Variants in ACP7 observed in about 807,000 individuals in gnomAD.
ACP7 encodes the protein acid phosphatase 7, tartrate resistant (putative).
In ACP7, 58 loss-of-function variants were observed where a neutral mutation model predicts 60.6. The observed-to-expected ratio is 0.96, with a 90% CI of 0.77 to 1.19. The LOEUF is 1.19. Ranked by LOEUF, ACP7 falls within the 50% of genes most tolerant of loss-of-function variation. The pLI, the probability that ACP7 is intolerant of heterozygous loss-of-function variation, is 0.00. For missense variants in ACP7, 574 were observed against 596.2 expected (o/e 0.96, Z 0.39); for synonymous variants, 237 against 232.6 (o/e 1.02, Z -0.17).
At chr19:39,093,143 C>CCCTCTCTCTTTCTCTCTCT (rs2073224722) in intron 2 of ACP7, among the ~76,000 whole-genome samples, 4 of 104,652 alleles carry the variant, frequency 3.8e-5, no homozygotes, top group African/African-American at 1.5e-4. Context: ...TTCCCTCACT[C>CCCTCTCTCTTTCTCTCTCT]CTTTCTTTCT....
chr19:39,109,622 T>A (rs2073447243), intron 12 of ACP7, among the ~76,000 whole-genome samples: 1 of 146,610 alleles, frequency 6.8e-6, no homozygotes, highest in Non-Finnish European at 1.5e-5. Context: ...GGAGAATGGC[T>A]TGAACCTGGG....
intron 3 of ACP7, 88 bp from the exon 4 acceptor site, chr19:39,098,872 C>T: frequency 1.4e-6 from 2 of 1,426,002 alleles, no homozygotes; most frequent in East Asian, 4.7e-5. Context: ...CCCCCATCTC[C>T]TCCCCTCCAC....
rs746410134 is a variant in ACP7 at position 39,100,991 on chromosome 19, A to G, written c.850A>G (p.Met284Val). 10 of 1,613,394 alleles carry G rather than the reference A, an allele frequency of 6.2e-6. No individual in the cohort carries two copies. In the East Asian group the frequency reaches 1.6e-4, roughly 25 times the overall value. Residue 284 changes from methionine to valine, a missense_variant, in exon 8 of 13, where the codon ATG becomes GTG. By Grantham distance (21) the Met-to-Val change is conservative. Coordinates refer to ENST00000331256, the MANE Select transcript of ACP7 (RefSeq NM_001004318.3). ...GGCAGCCCGGCCGTGGATCATCACT[A>G]TGGGGCACCGGCCCATGTACTGCTC... ...NRAARPWIIT[M>V]GHRPMYCSNA...
chr19:39,098,792 G>A (rs1295851822), intron 3 of ACP7, 134 bp downstream of exon 3: 1 of 1,351,398 alleles, frequency 7.4e-7, no homozygotes, highest in Non-Finnish European at 9.9e-7. Flanking sequence ...TGTTGTATGA[G>A]ACCCCAGGAT....
chr19:39,105,902 A>G (rs1372124060), intron 11 of ACP7, among the ~76,000 whole-genome samples: 1 of 152,028 alleles, frequency 6.6e-6, no homozygotes, highest in Non-Finnish European at 1.5e-5. Context: ...GCTTACTTTG[A>G]TCACTTGGTT....
In ACP7 at chr19:39,100,297, C is replaced by T. The variant is rs775669799; in HGVS notation, c.576C>T (p.Pro192=). ...ATAGGTTCATGCGGCTCATTGAACCCGTGGCTGCCAGCCTGCCGTACATGA... is the reference window on the plus strand; with the variant it reads ...ATAGGTTCATGCGGCTCATTGAACCTGTGGCTGCCAGCCTGCCGTACATGA... ...VGDRFMRLIE[P]VAASLPYMTC... Residue 192 remains proline (P), a synonymous_variant, in exon 5 of 13, where the codon CCC becomes CCT. Coordinates refer to ENST00000331256, the MANE Select transcript of ACP7 (RefSeq NM_001004318.3). 1.4e-5 allele frequency: 23 copies of T among 1,613,934 alleles called. No individual in the cohort carries two copies. Among genetic ancestry groups the T allele is most frequent in the Non-Finnish European group, 1.7e-5 (20 of 1,180,006 alleles).
intron 2 of ACP7, among the ~76,000 whole-genome samples, chr19:39,092,206 C>T (rs1163697124): frequency 1.3e-5 from 2 of 152,116 alleles, no homozygotes; most frequent in Non-Finnish European, 2.9e-5. Flanking sequence ...AACCCGGTCT[C>T]TACTAAAAAT....
At chr19:39,109,907 G>A (rs2145050719) in intron 12 of ACP7, 146 bp from the exon 13 acceptor site, 2 of 725,032 alleles carry the variant, frequency 2.8e-6, no homozygotes, top group East Asian at 2.5e-5. Context: ...TTCAGATGAG[G>A]AAAACTGAGG....
chr19:39,106,943 C>T lies in ACP7; in HGVS notation c.1114-4C>T. ...CTGGGTCTGATCAGTTCTCCCCGCC[C>T]CAGGGCTGTGAGGAGCGGCTGACGC... On this transcript the variant is annotated splice_region_variant and splice_polypyrimidine_tract_variant and intron_variant, in intron 11 of 12. Coordinates refer to ENST00000331256, the MANE Select transcript of ACP7 (RefSeq NM_001004318.3). 6.2e-7 allele frequency: 1 copy of T among 1,613,722 alleles called. No homozygotes were observed. The highest frequency in any genetic ancestry group is 8.5e-7 in the Non-Finnish European group (1 of 1,179,880).
chr19:39,098,878 T>G (rs190998143), intron 3 of ACP7, 82 bp from the exon 4 acceptor site: 7 of 1,553,790 alleles, frequency 4.5e-6, no homozygotes, highest in Middle Eastern at 1.8e-4. Flanking sequence ...TCTCCTCCCC[T>G]CCACCAGTCG....
At chr19:39,087,091 C>G (rs1193009215) in intron 2 of ACP7, among the ~76,000 whole-genome samples, 3 of 152,110 alleles carry the variant, frequency 2.0e-5, no homozygotes, top group Non-Finnish European at 4.4e-5. Context: ...TCACTGCAGC[C>G]TCTGCCCCGC....
intron 4 of ACP7, 93 bp from the exon 5 acceptor site, chr19:39,100,134 T>C: frequency 6.5e-7 from 1 of 1,532,868 alleles, no homozygotes; most frequent in Non-Finnish European, 8.9e-7. Flanking sequence ...GCGCTGGGAT[T>C]AACAGGTGTG....
chr19:39,110,480 C>T lies in ACP7; in HGVS notation c.*362C>T, dbSNP rs1435716846. The T allele has an allele frequency of 5.4e-6, 1 of 185,800 alleles. No homozygotes were observed. 11.5% of individuals were successfully genotyped at this position (185,800 alleles called of 1,614,324 possible). A position where few individuals can be genotyped will look rare whatever the true frequency, so the allele number is the denominator to read the frequency against. On this transcript the variant is annotated 3_prime_UTR_variant, in exon 13 of 13. Transcript: ENST00000331256. The stretch of plus-strand genomic sequence containing the variant: ...GATTCTGCACATCTGCGGGGGATGC[C>T]GCTGGGCTTCCTCCTCTCCTGCCCA...
intron 6 of ACP7, 21 bp from the exon 7 acceptor site, chr19:39,100,718 C>G (rs909017329): frequency 6.2e-7 from 1 of 1,613,436 alleles, no homozygotes; most frequent in Admixed American, 1.7e-5. Flanking sequence ...GTCCCTGACC[C>G]CTGCCCTTTG....
Position 39,093,228 on chromosome 19 carries a change from TTCTC to T in ACP7, c.122-5218_122-5215del, listed in dbSNP as rs529214108. Among the ~76,000 whole-genome samples, 849 of 131,478 alleles carry T rather than the reference TTCTC, an allele frequency of 6.5e-3. 5 individuals carry two copies. The highest frequency in any genetic ancestry group is 0.011 in the Middle Eastern group (3 of 266). The allele number at this position is 131,478 out of a possible 152,430, so 86.3% of individuals were successfully genotyped here. The stretch of plus-strand genomic sequence containing the variant: ...TTTCTTTCTCTCCCTCTCTCTCTCT[TTCTC>T]TCTCTCTCTCTTTCTTTCTTTCTCT... On this transcript the variant is annotated intron_variant, in intron 2 of 12. Transcript: ENST00000331256.
chr19:39,107,613 C>T (rs1358938486), intron 12 of ACP7, among the ~76,000 whole-genome samples: 4 of 146,964 alleles, frequency 2.7e-5, no homozygotes, highest in Non-Finnish European at 6.0e-5. Context: ...AGGCCAGGTG[C>T]GGTGGTTCAT....
At chr19:39,104,416 C>G (rs901388728) in intron 11 of ACP7, among the ~76,000 whole-genome samples, 3 of 152,062 alleles carry the variant, frequency 2.0e-5, no homozygotes, top group Admixed American at 1.3e-4. Flanking sequence ...GGGCCTGACC[C>G]CGGACAAAAT....
chr19:39,106,179 C>T (rs926842375), intron 11 of ACP7, among the ~76,000 whole-genome samples: 1 of 152,158 alleles, frequency 6.6e-6, no homozygotes. Flanking sequence ...CATTCTGTTT[C>T]CCCAGGCGCT....
chr19:39,106,046 T>G (rs1398821832), intron 11 of ACP7, among the ~76,000 whole-genome samples: 4 of 152,186 alleles, frequency 2.6e-5, no homozygotes, highest in Non-Finnish European at 5.9e-5. Flanking sequence ...CCTGCTAGTT[T>G]TATCATCCAT....
Sources: allele counts gnomAD v4.1 joint callset (sites outside exome capture counted in the v4.1 genomes callset), GRCh38; gene constraint gnomAD v4.1.1; transcripts MANE v1.5; gene names NCBI Gene and HGNC (gene_info 2026-07-23, HGNC 2026-07-21).